The following GLIS3 variants were observed in gnomAD, a reference collection of about 807,000 sequenced individuals.
GLIS3 encodes zinc finger protein GLIS3.
A neutral mutation model predicts 78.6 loss-of-function variants in GLIS3; 53 were observed. The observed-to-expected ratio is 0.67, with a 90% confidence interval of 0.54 to 0.85. The LOEUF (loss-of-function observed/expected upper bound fraction) is 0.85. Among genes scored for constraint, GLIS3 ranks in the 40% least tolerant of loss-of-function variants. The pLI, the probability that GLIS3 is intolerant of heterozygous loss-of-function variation, is 0.00. For missense variants in GLIS3, 1,703 were observed against 1,231.1 expected, an observed-to-expected ratio of 1.38 and a Z score of -5.74; for synonymous variants, 684 against 509.9, an observed-to-expected ratio of 1.34 and a Z score of -4.60.
intron 4 of GLIS3, 66 bp from the exon 5 acceptor site, chr9:3,937,255 T>G (rs676935): frequency 3.2e-5 from 46 of 1,421,780 alleles, no homozygotes; most frequent in Non-Finnish European, 4.3e-5. Flanking sequence ...GGGGGACAGC[T>G]AAAAAAAAAA....
chr9:4,438,611 C>T, the GLIS3 span, among the ~76,000 whole-genome samples: 1 of 152,186 alleles, frequency 6.6e-6, no homozygotes, highest in South Asian at 2.1e-4. Context: ...ACCCAAATCT[C>T]ACCTTGAATT....
the GLIS3 span, among the ~76,000 whole-genome samples, chr9:4,478,474 G>A: frequency 6.9e-3 from 1,051 of 152,172 alleles, 17 homozygotes; most frequent in East Asian, 0.06. Context: ...AGTTCGGCCT[G>A]GTGGCGGGCG....
At chr9:4,363,498 T>C in the GLIS3 span, among the ~76,000 whole-genome samples, 1 of 152,202 alleles carries the variant, frequency 6.6e-6, no homozygotes, top group Non-Finnish European at 1.5e-5. Flanking sequence ...ATTAACTTGC[T>C]TTTTTAAAAA....
chr9:3,951,864 AC>A, intron 4 of GLIS3, among the ~76,000 whole-genome samples: 1 of 150,382 alleles, frequency 6.6e-6, no homozygotes, highest in Admixed American at 6.7e-5. Context: ...ACACACACAC[AC>A]ACACACACAC....
the GLIS3 span, among the ~76,000 whole-genome samples, chr9:4,417,831 AAAGT>A: frequency 6.6e-6 from 1 of 152,204 alleles, no homozygotes. Flanking sequence ...TTGTGACTTT[AAAGT>A]GAGTTTTAGG....
chr9:4,157,704 C>A (rs1026770093), intron 2 of GLIS3, among the ~76,000 whole-genome samples: 5 of 152,082 alleles, frequency 3.3e-5, no homozygotes, highest in Admixed American at 2.0e-4. Context: ...TTAGTGCATG[C>A]ATTACAGGAG....
the GLIS3 span, among the ~76,000 whole-genome samples, chr9:4,461,423 T>A: frequency 6.6e-6 from 1 of 152,248 alleles, no homozygotes; most frequent in Non-Finnish European, 1.5e-5. Flanking sequence ...CATATTGGTA[T>A]TAAAATTAGT....
intron 3 of GLIS3, among the ~76,000 whole-genome samples, chr9:4,310,146 C>A (rs1338024788): frequency 6.6e-6 from 1 of 152,100 alleles, no homozygotes; most frequent in Non-Finnish European, 1.5e-5. Flanking sequence ...TTACACAGGG[C>A]CAACCCAAAA....
At chr9:3,951,462 C>T (rs549701510) in intron 4 of GLIS3, among the ~76,000 whole-genome samples, 42 of 151,602 alleles carry the variant, frequency 2.8e-4, no homozygotes, top group Admixed American at 1.3e-3. Flanking sequence ...GGGAGTGCTC[C>T]TTTTGATCTT....
chr9:3,948,420 C>T (rs1323338631), intron 4 of GLIS3, among the ~76,000 whole-genome samples: 1 of 152,166 alleles, frequency 6.6e-6, no homozygotes, highest in African/African-American at 2.4e-5. Flanking sequence ...CATCGATGAC[C>T]TTTTGGGTCT....
chr9:3,994,629 G>A (rs1820596141), intron 4 of GLIS3, among the ~76,000 whole-genome samples: 1 of 152,124 alleles, frequency 6.6e-6, no homozygotes, highest in Non-Finnish European at 1.5e-5. Context: ...ACATTACTGT[G>A]TGAATAAATT....
intron 4 of GLIS3, among the ~76,000 whole-genome samples, chr9:4,053,001 G>A (rs564530791): frequency 6.6e-6 from 1 of 152,194 alleles, no homozygotes; most frequent in South Asian, 2.1e-4. Context: ...AGCCTGGAGT[G>A]CAGTAGCATG....
intron 4 of GLIS3, among the ~76,000 whole-genome samples, chr9:4,098,862 C>G (rs1015537086): frequency 2.0e-5 from 3 of 152,170 alleles, no homozygotes; most frequent in African/African-American, 7.2e-5. Context: ...CAGACATAAA[C>G]CCGCATGCAG....
intron 2 of GLIS3, among the ~76,000 whole-genome samples, chr9:4,174,369 C>T (rs937104452): frequency 2.0e-5 from 3 of 151,964 alleles, no homozygotes. Flanking sequence ...TCCAATTCAC[C>T]GATTTTTTAA....
At chr9:4,080,420 T>C (rs1408266031) in intron 4 of GLIS3, among the ~76,000 whole-genome samples, 1 of 152,048 alleles carries the variant, frequency 6.6e-6, no homozygotes, top group African/African-American at 2.4e-5. Flanking sequence ...TTTAAAATAA[T>C]CAACATTAGT....
chr9:4,163,121 C>T (rs1332018540), intron 2 of GLIS3, among the ~76,000 whole-genome samples: 1 of 152,122 alleles, frequency 6.6e-6, no homozygotes, highest in Non-Finnish European at 1.5e-5. Flanking sequence ...AACTCAAGTT[C>T]AAAGAGATAA....
chr9:3,944,089 T>C (rs1229179600), intron 4 of GLIS3, among the ~76,000 whole-genome samples: 1 of 152,200 alleles, frequency 6.6e-6, no homozygotes, highest in Non-Finnish European at 1.5e-5. Context: ...AAGGAATATG[T>C]TGCTTTTTAA....
intron 2 of GLIS3, among the ~76,000 whole-genome samples, chr9:4,206,886 G>A (rs565569787): frequency 2.0e-5 from 3 of 151,272 alleles, no homozygotes; most frequent in East Asian, 2.0e-4. Flanking sequence ...TTGGCATATC[G>A]CGCTGGGAGG....
intron 2 of GLIS3, among the ~76,000 whole-genome samples, chr9:4,329,563 T>C (rs1817652873): frequency 6.6e-6 from 1 of 152,142 alleles, no homozygotes; most frequent in African/African-American, 2.4e-5. Context: ...AAGCATTTAA[T>C]AAGAATGTGC....
Sources: allele counts gnomAD v4.1 joint callset (sites outside exome capture counted in the v4.1 genomes callset), GRCh38; gene constraint gnomAD v4.1.1; transcripts MANE v1.5; gene names NCBI Gene and HGNC (gene_info 2026-07-23, HGNC 2026-07-21).